Variants in ZNF763 observed in about 807,000 individuals in gnomAD.
The protein encoded by ZNF763 is zinc finger protein 763.
A neutral mutation model predicts 38.0 loss-of-function variants in ZNF763; 33 were observed. The observed-to-expected ratio is 0.87, with a 90% CI of 0.66 to 1.16. The LOEUF is 1.16. ZNF763 is among the 50% of genes most tolerant of loss of function. The probability of loss-of-function intolerance (pLI) is 0.00; values close to 1 mark genes in which losing one functional copy is unlikely to be tolerated. For synonymous variants in ZNF763, 155 were observed against 160.1 expected, an observed-to-expected ratio of 0.97 and a Z score of 0.24; for missense variants, 423 against 469.1, an observed-to-expected ratio of 0.90 and a Z score of 0.91.
At chr19:11,967,497 C>T (rs1489308134) in intron 1 of ZNF763, among the ~76,000 whole-genome samples, 2 of 151,784 alleles carry the variant, frequency 1.3e-5, no homozygotes, top group South Asian at 2.1e-4. Context: ...CTCCACCTCC[C>T]GGGTTCACGC....
rs751511549 is a variant in ZNF763, at chr19:11,965,220, G to A, written c.3+9G>A. ...CTGAAAGCCAGGAAATGGTGCGTGT[G>A]CATAGCCGGTTGTCCCGAGACGGGG... On this transcript the variant is annotated intron_variant, in intron 1 of 3. Coordinates refer to ENST00000358987, the MANE Select transcript of ZNF763 (RefSeq NM_001367172.2). The A allele has an allele frequency of 1.2e-6, 2 of 1,614,054 alleles. No individual in the cohort carries two copies. The highest frequency in any genetic ancestry group is 1.7e-6 in the Non-Finnish European group (2 of 1,179,946).
rs1480616574 is a variant in ZNF763 at position 11,965,141 on chromosome 19, C to T, written c.-68C>T. The T allele has an allele frequency of 5.0e-6, 8 of 1,610,546 alleles. No individual in the cohort carries two copies. Among genetic ancestry groups the T allele is most frequent in the African/African-American group, 4.0e-5 (3 of 74,844 alleles). The stretch of plus-strand genomic sequence containing the variant: ...TACCCAGGTTTCTATCGCTCTGTCT[C>T]CTGCGCTGTGCCCTTCTGTAGTCAC... On this transcript the variant is annotated 5_prime_UTR_variant, in exon 1 of 4. Transcript: ENST00000358987.
At chr19:11,976,811 A>G in intron 1 of ZNF763, 2 of 1,293,426 alleles carry the variant, frequency 1.5e-6, no homozygotes, top group Admixed American at 3.4e-5. Context: ...CCAAGATCGC[A>G]TCATTATACT....
At position 11,965,169 on chromosome 19, in the gene ZNF763, G is replaced by A. The variant is rs775926674; in HGVS notation, c.-40G>A. The stretch of plus-strand genomic sequence containing the variant: ...GCGCTGTGCCCTTCTGTAGTCACAG[G>A]AGCTGTAGAGAGGACCCCAGGACAT... On this transcript the variant is annotated 5_prime_UTR_variant, in exon 1 of 4. Coordinates refer to ENST00000358987, the MANE Select transcript of ZNF763 (RefSeq NM_001367172.2). 6.2e-7 allele frequency: 1 copy of A among 1,613,906 alleles called. No individual in the cohort carries two copies. Among genetic ancestry groups the A allele is most frequent in the Non-Finnish European group, 8.5e-7 (1 of 1,179,842 alleles).
rs141434593 is a variant in ZNF763, at chr19:11,976,419, G to A, written c.4-619G>A. On this transcript the variant is annotated intron_variant, in intron 1 of 3. Transcript: ENST00000358987. ...ATTGCTTTATGAACCAGCCGAGCAT[G>A]GTGGCACATGCCTGTGGTCTCAGCT... Among the ~76,000 whole-genome samples, 40 of 151,928 alleles carry A rather than the reference G, an allele frequency of 2.6e-4. 1 individual carries two copies. The highest frequency in any genetic ancestry group is 4.3e-4 in the Non-Finnish European group (29 of 67,972).
At position 11,967,465 on chromosome 19, in the gene ZNF763, C is replaced by T. The variant is rs568457250; in HGVS notation, c.3+2254C>T. ...TGTTGCCCAGGCTGGAGTGCAGTGG[C>T]GCGATCTCGGCTCACTGCAAGCTCC... On this transcript the variant is annotated intron_variant, in intron 1 of 3. Coordinates refer to ENST00000358987, the MANE Select transcript of ZNF763 (RefSeq NM_001367172.2). Among the ~76,000 whole-genome samples the T allele has an allele frequency of 1.7e-3, 261 of 152,034 alleles. 2 individuals are homozygous for T. Among genetic ancestry groups the T allele is most frequent in the African/African-American group, 5.8e-3 (242 of 41,474 alleles).
At chr19:11,974,069 TTTTCTTTCTTTCTTTC>T (rs199661683) in intron 1 of ZNF763, among the ~76,000 whole-genome samples, 7,431 of 114,578 alleles carry the variant, frequency 0.065, 352 homozygotes, top group Non-Finnish European at 0.082. Flanking sequence ...TCCTTCTTTC[TTTTCTTTCTTTCTTTC>T]TTTCTTTCTT....
In ZNF763 at chr19:11,979,662, C is replaced by G. The variant is rs1973578819; in HGVS notation, c.*553C>G. On this transcript the variant is annotated 3_prime_UTR_variant, in exon 4 of 4. Coordinates refer to ENST00000358987, the MANE Select transcript of ZNF763 (RefSeq NM_001367172.2). ...CAATGTGGGAAAGCCTTCAGATCTG[C>G]CTCAATCCTTCAAATGCATGCTGGG... 1 of 1,598,704 alleles carries G rather than the reference C, an allele frequency of 6.3e-7. No homozygotes were observed. Among genetic ancestry groups the G allele is most frequent in the Non-Finnish European group, 8.5e-7 (1 of 1,171,058 alleles).
chr19:11,980,064 A>AT lies in ZNF763; in HGVS notation c.*956dup, dbSNP rs1005606953. ...AGGACTCACACTGGAGAGAAACCCT[A>AT]TGAGTGTAAGCAATGTGGAAAAACC... On this transcript the variant is annotated 3_prime_UTR_variant, in exon 4 of 4. Coordinates refer to ENST00000358987, the MANE Select transcript of ZNF763 (RefSeq NM_001367172.2). 15 of 1,077,694 alleles carry AT rather than the reference A, an allele frequency of 1.4e-5. No individual in the cohort carries two copies. Among genetic ancestry groups the AT allele is most frequent in the African/African-American group, 4.7e-5 (3 of 63,350 alleles). The allele number at this position is 1,077,694 out of a possible 1,614,324, so 66.8% of individuals were successfully genotyped here. A position where few individuals can be genotyped will look rare whatever the true frequency, so the allele number is the denominator to read the frequency against.
intron 1 of ZNF763, among the ~76,000 whole-genome samples, chr19:11,967,614 AG>A (rs1436478377): frequency 1.3e-5 from 2 of 152,170 alleles, no homozygotes; most frequent in Non-Finnish European, 2.9e-5. Flanking sequence ...CGTGTTAGCC[AG>A]GATGGTCTCA....
chr19:11,976,988 C>G, intron 1 of ZNF763, 50 bp from the exon 2 acceptor site: 1 of 1,610,672 alleles, frequency 6.2e-7, no homozygotes, highest in Non-Finnish European at 8.5e-7. Flanking sequence ...TCTAGGCCCC[C>G]ACTGCTGTCA....
chr19:11,966,267 T>C (rs1973226800), intron 1 of ZNF763, among the ~76,000 whole-genome samples: 1 of 152,220 alleles, frequency 6.6e-6, no homozygotes, highest in African/African-American at 2.4e-5. Flanking sequence ...TAAGGAGACC[T>C]GTCTCACCTG....
intron 1 of ZNF763, 80 bp from the exon 2 acceptor site, chr19:11,976,958 G>T (rs1285224774): frequency 1.3e-6 from 2 of 1,580,902 alleles, no homozygotes; most frequent in Non-Finnish European, 1.7e-6. Flanking sequence ...GGAGTCCACG[G>T]CAACTTCTTG....
intron 1 of ZNF763, among the ~76,000 whole-genome samples, chr19:11,973,891 C>T (rs944159456): frequency 2.6e-5 from 4 of 152,024 alleles, no homozygotes; most frequent in African/African-American, 9.7e-5. Flanking sequence ...TGCTTATTTT[C>T]TTCAGAGCTC....
chr19:11,976,983 GC>G, intron 1 of ZNF763, 54 bp from the exon 2 acceptor site: 1 of 1,609,722 alleles, frequency 6.2e-7, no homozygotes, highest in Non-Finnish European at 8.5e-7. Context: ...TAGAGTCTAG[GC>G]CCCCACTGCT....
intron 1 of ZNF763, among the ~76,000 whole-genome samples, chr19:11,966,402 C>T (rs1973230100): frequency 6.6e-6 from 1 of 152,098 alleles, no homozygotes; most frequent in Non-Finnish European, 1.5e-5. Context: ...GAGACAGAAT[C>T]TCCTTCTGTC....
In ZNF763 at chr19:11,979,314, A is replaced by G. The variant is rs902143573; in HGVS notation, c.*205A>G. ...GTGGGAAAGCCTTCAGATGTGCCCC[A>G]CACCTTCGAAGGCATGGTAGGACTC... is the stretch of plus-strand genomic sequence containing the variant. On this transcript the variant is annotated 3_prime_UTR_variant, in exon 4 of 4. Transcript: ENST00000358987. 12 of 1,608,732 alleles carry G rather than the reference A, an allele frequency of 7.5e-6. No homozygotes were observed. In the African/African-American group the frequency reaches 8.1e-5, roughly 11 times the overall value.
Position 11,979,750 on chromosome 19 carries a change from A to G in ZNF763, c.*641A>G. 6.3e-7 allele frequency: 1 copy of G among 1,576,616 alleles called. No individual in the cohort carries two copies. The highest frequency in any genetic ancestry group is 1.1e-5 in the South Asian group (1 of 90,302). On this transcript the variant is annotated 3_prime_UTR_variant, in exon 4 of 4. Transcript: ENST00000358987. ...GTGGGAAAGCCTTCAGATCTGCCCC[A>G]CACCTTCGAATCCATGGTAGAACTC...
At chr19:11,976,956 C>T (rs770750448) in intron 1 of ZNF763, 82 bp from the exon 2 acceptor site, 215 of 1,580,222 alleles carry the variant, frequency 1.4e-4, no homozygotes, top group African/African-American at 1.8e-4. Flanking sequence ...TTGGAGTCCA[C>T]GGCAACTTCT....
Sources: gnomAD v4.1 joint callset for allele counts (sites outside exome capture counted in the v4.1 genomes callset) on GRCh38, gnomAD v4.1.1 for gene constraint, MANE v1.5 for transcripts, NCBI Gene and HGNC (gene_info 2026-07-23, HGNC 2026-07-21) for gene names.